SLC38A4: variants seen among roughly 807,000 people sequenced by gnomAD.
SLC38A4 encodes sodium-coupled neutral amino acid transporter 4.
In SLC38A4, 20 loss-of-function variants were observed where a neutral mutation model predicts 63.1. That is an observed-to-expected ratio of 0.32 (90% confidence interval 0.22 to 0.46). The LOEUF (loss-of-function observed/expected upper bound fraction) is 0.46. SLC38A4 is among the 20% of genes least tolerant of loss of function. SLC38A4 has a pLI of 1.00. For synonymous variants in SLC38A4, 230 were observed against 225.5 expected (o/e 1.02, Z -0.18); for missense variants, 526 against 663.6 (o/e 0.79, Z 2.28).
intron 16 of SLC38A4, among the ~76,000 whole-genome samples, chr12:46,767,982 A>G (rs1428866211): frequency 6.6e-6 from 1 of 152,084 alleles, no homozygotes; most frequent in Non-Finnish European, 1.5e-5. Flanking sequence ...TAGGGAGCCT[A>G]ATTCCTTCTT....
At chr12:46,815,341 C>G (rs1360820295) in intron 1 of SLC38A4, among the ~76,000 whole-genome samples, 1 of 147,136 alleles carries the variant, frequency 6.8e-6, no homozygotes, top group Non-Finnish European at 1.5e-5. Flanking sequence ...ATTGAGATGG[C>G]CTTCCTTTTA....
chr12:46,779,773 T>C lies in SLC38A4; in HGVS notation c.658+7A>G, dbSNP rs1323786701. ...TAAAAATATTTCCAGTTAGAAAATA[T>C]CTTTACCTAAATTTTTAAGGAGCGA... On this transcript the variant is annotated splice_region_variant and intron_variant, in intron 9 of 16. Transcript: ENST00000266579. The C allele has an allele frequency of 6.2e-7, 1 of 1,602,896 alleles. No individual in the cohort carries two copies. Among genetic ancestry groups the C allele is most frequent in the Middle Eastern group, 1.7e-4 (1 of 6,032 alleles).
chr12:46,830,626 A>C (rs542900098), upstream of SLC38A4, among the ~76,000 whole-genome samples: 1 of 152,274 alleles, frequency 6.6e-6, no homozygotes, highest in East Asian at 1.9e-4. Flanking sequence ...CTTTAAGGTG[A>C]GAAACTGCCT....
rs1425129822 is a variant in SLC38A4 at position 46,766,283 on chromosome 12, C to A, written c.*418G>T. The A allele has an allele frequency of 2.3e-6, 1 of 431,062 alleles. No homozygotes were observed. Among genetic ancestry groups the A allele is most frequent in the Admixed American group, 2.4e-5 (1 of 41,076 alleles). The allele number at this position is 431,062 out of a possible 1,614,324, so 26.7% of individuals were successfully genotyped here. On this transcript the variant is annotated 3_prime_UTR_variant, in exon 17 of 17. Transcript: ENST00000266579. ...GAGAGAAGACATTAAATGGTGATAG[C>A]TTTGCCACCAGGGCATTTTTGTTTG...
At chr12:46,767,240 G>A (rs73100759) in intron 16 of SLC38A4, among the ~76,000 whole-genome samples, 1 of 20,602 alleles carries the variant, frequency 4.9e-5, no homozygotes, top group African/African-American at 7.5e-5. Flanking sequence ...GTGTATATAT[G>A]TGTGTGTGTG....
intron 3 of SLC38A4, among the ~76,000 whole-genome samples, chr12:46,790,196 G>T (rs1938855898): frequency 6.6e-6 from 1 of 152,206 alleles, no homozygotes; most frequent in African/African-American, 2.4e-5. Context: ...GGAGAGGAAA[G>T]AGGATGACAG....
upstream of SLC38A4, among the ~76,000 whole-genome samples, chr12:46,828,404 CT>C (rs1193212731): frequency 1.3e-5 from 2 of 152,206 alleles, no homozygotes; most frequent in African/African-American, 4.8e-5. Flanking sequence ...TCACTGCAAC[CT>C]CTGCCTCCTG....
rs1336338001 is a variant in SLC38A4 at position 46,765,539 on chromosome 12, A to G, written c.*1162T>C. 3.9e-6 allele frequency: 1 copy of G among 257,004 alleles called. No individual in the cohort carries two copies. The highest frequency in any genetic ancestry group is 7.8e-6 in the Non-Finnish European group (1 of 128,686). The allele number at this position is 257,004 out of a possible 1,614,324, so 15.9% of individuals were successfully genotyped here. ...TTGAAGAAGAGCATTGCCAAACTAT[A>G]TATAACTTAGGTTTCAAATTTAAAT... On this transcript the variant is annotated 3_prime_UTR_variant, in exon 17 of 17. Transcript: ENST00000266579.
chr12:46,778,502 C>A lies in SLC38A4; in HGVS notation c.992G>T (p.Arg331Leu), dbSNP rs538386001. 3.7e-6 allele frequency: 6 copies of A among 1,610,378 alleles called. No individual in the cohort carries two copies. In the East Asian group the frequency reaches 1.3e-4, roughly 36 times the overall value. The change falls in exon 11 of 17, where the codon CGG becomes CTG. Residue 331 changes from arginine to leucine, a missense_variant and splice_region_variant. Physicochemically the swap from Arg to Leu is moderately radical, Grantham distance 102 (BLOSUM62 -2). Transcript: ENST00000266579. Reference sequence around the variant, plus strand: ...TAGAAGCCCGGACCGCTCACTTACCCGGGAGTTGAATACAAAGTATTTGGG... The same window carrying A: ...TAGAAGCCCGGACCGCTCACTTACCAGGGAGTTGAATACAAAGTATTTGGG... Reference protein sequence around the residue: ...CEPKYFVFNSRTAYAIPILVF... With the variant: ...CEPKYFVFNSLTAYAIPILVF...
rs543485458 is a variant in SLC38A4, at chr12:46,774,548, T to A, written c.1299+501A>T. ...GATAGCATAACTGTTTTTTGAAAAA[T>A]TTTTTTCTGGTATATAATTTACTTA... On this transcript the variant is annotated intron_variant, in intron 14 of 16. Transcript: ENST00000266579. Among the ~76,000 whole-genome samples, 25 of 152,048 alleles carry A rather than the reference T, an allele frequency of 1.6e-4. No individual in the cohort carries two copies. The South Asian group carries it at 3.1e-3, about 19-fold the overall frequency.
chr12:46,819,133 G>T (rs7968752), intron 1 of SLC38A4, among the ~76,000 whole-genome samples: 82,492 of 151,554 alleles, frequency 0.54, 23,210 homozygotes, highest in Non-Finnish European at 0.61. Flanking sequence ...TCAGAATATG[G>T]GTAATTCTGT....
At chr12:46,799,068 A>C (rs556460436) in intron 2 of SLC38A4, among the ~76,000 whole-genome samples, 1 of 152,306 alleles carries the variant, frequency 6.6e-6, no homozygotes, top group African/African-American at 2.4e-5. Flanking sequence ...TGAGTGTCAA[A>C]GTTTGGCCTA....
At chr12:46,779,541 G>A (rs1938596487) in intron 10 of SLC38A4, 70 bp downstream of exon 10, 1 of 1,184,720 alleles carries the variant, frequency 8.4e-7, no homozygotes, top group South Asian at 1.4e-5. Context: ...AACAAAATGA[G>A]GACACTAATT....
At position 46,796,007 on chromosome 12, in the gene SLC38A4, C is replaced by T. The variant is rs577599876; in HGVS notation, c.-112-2824G>A. Among the ~76,000 whole-genome samples the T allele has an allele frequency of 5.9e-5, 9 of 152,166 alleles. No individual in the cohort carries two copies. In the South Asian group the frequency reaches 1.9e-3, roughly 32 times the overall value. ...CTATTTAAAAAAACTATTTCTTCCC[C>T]TTTGTTTACTCCTGAAACTTTTATT... On this transcript the variant is annotated intron_variant, in intron 2 of 16. Transcript: ENST00000266579.
At chr12:46,803,548 T>C (rs1176901985) in intron 2 of SLC38A4, 55 bp downstream of exon 2, 4 of 151,966 alleles carry the variant, frequency 2.6e-5, no homozygotes, top group Non-Finnish European at 5.9e-5. Flanking sequence ...ACAATAAAAA[T>C]AAGAAAGTAA....
At chr12:46,802,904 TGAG>T (rs2120865004) in intron 2 of SLC38A4, among the ~76,000 whole-genome samples, 1 of 152,176 alleles carries the variant, frequency 6.6e-6, no homozygotes, top group Non-Finnish European at 1.5e-5. Context: ...TTAATAAATT[TGAG>T]GAGAACACCT....
intron 3 of SLC38A4, among the ~76,000 whole-genome samples, chr12:46,791,586 TC>T (rs1367048137): frequency 6.6e-6 from 1 of 152,182 alleles, no homozygotes; most frequent in Non-Finnish European, 1.5e-5. Flanking sequence ...GGTCAAAAAT[TC>T]CCTTCTGAGC....
In SLC38A4 at chr12:46,768,518, C is replaced by G. The variant is rs563300888; in HGVS notation, c.1445-111G>C. 1.0e-5 allele frequency: 6 copies of G among 583,122 alleles called. No homozygotes were observed. In the African/African-American group the frequency reaches 1.1e-4, roughly 11 times the overall value. The allele number at this position is 583,122 out of a possible 1,614,324, so 36.1% of individuals were successfully genotyped here. A position where few individuals can be genotyped will look rare whatever the true frequency, so the allele number is the denominator to read the frequency against. On this transcript the variant is annotated intron_variant, in intron 15 of 16. Coordinates refer to ENST00000266579, the MANE Select transcript of SLC38A4 (RefSeq NM_018018.5). ...AAATATAAAGCTATCCTATACTTAG[C>G]ACTAAAAACACACACTTAAGTCACA... is the stretch of plus-strand genomic sequence containing the variant.
chr12:46,789,656 A>C (rs1938839536), intron 3 of SLC38A4, among the ~76,000 whole-genome samples: 1 of 152,166 alleles, frequency 6.6e-6, no homozygotes, highest in Admixed American at 6.5e-5. Context: ...AGTTGTTTTT[A>C]TATAAAATGC....
Sources: gnomAD v4.1 joint callset for allele counts (sites outside exome capture counted in the v4.1 genomes callset) on GRCh38, gnomAD v4.1.1 for gene constraint, MANE v1.5 for transcripts, NCBI Gene and HGNC (gene_info 2026-07-23, HGNC 2026-07-21) for gene names.